Variants in NRXN3 observed in about 807,000 individuals in gnomAD.
The protein encoded by NRXN3 is neurexin III.
NRXN3 carries 32 observed loss-of-function variants against 137.6 expected under a neutral mutation model. The observed-to-expected ratio is 0.23, with a 90% CI of 0.18 to 0.31. The LOEUF (loss-of-function observed/expected upper bound fraction) is 0.31. Among genes scored for constraint, NRXN3 ranks in the 10% least tolerant of loss-of-function variants. The pLI, the probability that NRXN3 is intolerant of heterozygous loss-of-function variation, is 1.00. For synonymous variants in NRXN3, 798 were observed against 784.5 expected, an observed-to-expected ratio of 1.02 and a Z score of -0.29; for missense variants, 1,574 against 2,062.5, an observed-to-expected ratio of 0.76 and a Z score of 4.59.
intron 6 of NRXN3, among the ~76,000 whole-genome samples, chr14:78,668,049 G>T (rs765220660): frequency 6.6e-6 from 1 of 152,150 alleles, no homozygotes; most frequent in Non-Finnish European, 1.5e-5. Flanking sequence ...GTCTCCCAAA[G>T]TGTTGGGATT....
chr14:78,927,425 T>G (rs2099308938), intron 10 of NRXN3, among the ~76,000 whole-genome samples: 1 of 151,910 alleles, frequency 6.6e-6, no homozygotes, highest in South Asian at 2.1e-4. Context: ...AATTAGAGAG[T>G]GCAGTGACAG....
At chr14:79,018,142 C>T (rs1483177618) in intron 15 of NRXN3, among the ~76,000 whole-genome samples, 1 of 151,438 alleles carries the variant, frequency 6.6e-6, no homozygotes, top group Non-Finnish European at 1.5e-5. Context: ...CACCTGAAAT[C>T]CCAGCTACTC....
At chr14:78,329,931 C>T (rs2080583308) in intron 4 of NRXN3, among the ~76,000 whole-genome samples, 1 of 152,126 alleles carries the variant, frequency 6.6e-6, no homozygotes, top group Non-Finnish European at 1.5e-5. Context: ...TAGATTTCAT[C>T]AACCTGGCTC....
chr14:79,544,605 G>GA lies in NRXN3; in HGVS notation c.3444+77208dup, dbSNP rs1272537671. On this transcript the variant is annotated intron_variant, in intron 16 of 20. Transcript: ENST00000335750. ...AATTCTGGAATCTATGACATTTTTG[G>GA]AAAAATAGCTCTCCTAAGACACTGG... 6.5e-4 allele frequency among the ~76,000 whole-genome samples: 99 copies of GA among 152,190 alleles called. 1 individual carries two copies. The highest frequency in any genetic ancestry group is 2.4e-3 in the African/African-American group (98 of 41,544).
intron 1 of NRXN3, among the ~76,000 whole-genome samples, chr14:78,178,774 A>G (rs2059506765): frequency 6.6e-6 from 1 of 152,184 alleles, no homozygotes; most frequent in Non-Finnish European, 1.5e-5. Context: ...TTTTAGGATT[A>G]CACAGTGAGA....
At chr14:79,443,539 G>A (rs1385809697) in intron 15 of NRXN3, among the ~76,000 whole-genome samples, 1 of 152,146 alleles carries the variant, frequency 6.6e-6, no homozygotes, top group African/African-American at 2.4e-5. Flanking sequence ...AGAGAGAATA[G>A]AGAAATTAAC....
rs17107085 is a variant in NRXN3, at chr14:78,191,540, G to T, written c.-704+20866G>T. Reference sequence around the variant, plus strand: ...AGGACCCCTGCAGGCATTGGCCTCCGCTGCAATAGTCCCTTTCCCATAGCT... The same window carrying T: ...AGGACCCCTGCAGGCATTGGCCTCCTCTGCAATAGTCCCTTTCCCATAGCT... On this transcript the variant is annotated intron_variant, in intron 1 of 20. Coordinates refer to ENST00000335750, the MANE Select transcript of NRXN3 (RefSeq NM_001330195.2). 2.0e-5 allele frequency among the ~76,000 whole-genome samples: 3 copies of T among 152,006 alleles called. No homozygotes were observed. The South Asian group carries it at 6.2e-4, about 31-fold the overall frequency.
At chr14:79,432,654 C>G (rs770279486) in intron 15 of NRXN3, among the ~76,000 whole-genome samples, 9 of 152,072 alleles carry the variant, frequency 5.9e-5, no homozygotes, top group Non-Finnish European at 8.8e-5. Context: ...TATCTTGAAA[C>G]AGTTATTTTT....
At chr14:78,497,732 A>C (rs2095811490) in intron 4 of NRXN3, among the ~76,000 whole-genome samples, 1 of 152,200 alleles carries the variant, frequency 6.6e-6, no homozygotes, top group South Asian at 2.1e-4. Flanking sequence ...ATGGTTAGAT[A>C]TATAGGCTGT....
chr14:78,757,684 G>A (rs2098675359), intron 8 of NRXN3, among the ~76,000 whole-genome samples: 2 of 152,168 alleles, frequency 1.3e-5, no homozygotes, highest in South Asian at 2.1e-4. Flanking sequence ...GTCGGCTCCT[G>A]AAACAGAAAC....
chr14:79,273,522 T>C (rs1053600977), intron 15 of NRXN3, among the ~76,000 whole-genome samples: 2 of 151,798 alleles, frequency 1.3e-5, no homozygotes, highest in Non-Finnish European at 2.9e-5. Flanking sequence ...TAGTCCCAGC[T>C]ACTTGGAAGG....
At chr14:78,295,737 C>T (rs1350181134) in intron 3 of NRXN3, among the ~76,000 whole-genome samples, 1 of 152,112 alleles carries the variant, frequency 6.6e-6, no homozygotes, top group Non-Finnish European at 1.5e-5. Flanking sequence ...TAATAACCAT[C>T]TCCAGGTGGC....
chr14:78,911,228 G>A (rs749390528), intron 10 of NRXN3, among the ~76,000 whole-genome samples: 4 of 152,072 alleles, frequency 2.6e-5, no homozygotes, highest in Non-Finnish European at 4.4e-5. Flanking sequence ...GGTACAATGA[G>A]GGCTGGTAAT....
At position 79,590,033 on chromosome 14, in the gene NRXN3, G is replaced by A. The variant is rs537170566; in HGVS notation, c.3445-73745G>A. Among the ~76,000 whole-genome samples the A allele has an allele frequency of 3.3e-5, 5 of 151,280 alleles. No homozygotes were observed. The South Asian group carries it at 1.0e-3, about 31-fold the overall frequency. ...TTTTTCTTTTGCTGTATTGGAGTCT[G>A]TGAAACATGAAGTCATGTTTTCTTT... On this transcript the variant is annotated intron_variant, in intron 16 of 20. Transcript: ENST00000335750.
At chr14:79,585,950 T>C (rs1214963188) in intron 16 of NRXN3, among the ~76,000 whole-genome samples, 2 of 152,224 alleles carry the variant, frequency 1.3e-5, no homozygotes, top group African/African-American at 2.4e-5. Flanking sequence ...TGCACACACA[T>C]TGGCTTTACA....
chr14:78,719,075 C>G (rs2098447387), intron 8 of NRXN3, among the ~76,000 whole-genome samples: 1 of 152,204 alleles, frequency 6.6e-6, no homozygotes, highest in South Asian at 2.1e-4. Flanking sequence ...CAAGTTCCAG[C>G]AAGGCAAAGC....
chr14:78,401,118 T>G (rs2092007938), intron 4 of NRXN3, among the ~76,000 whole-genome samples: 1 of 152,136 alleles, frequency 6.6e-6, no homozygotes, highest in South Asian at 2.1e-4. Context: ...AGGTCTAAGT[T>G]AGTTCCCTCC....
intron 15 of NRXN3, among the ~76,000 whole-genome samples, chr14:79,250,715 T>C (rs1277502249): frequency 6.6e-6 from 1 of 152,102 alleles, no homozygotes; most frequent in Non-Finnish European, 1.5e-5. Context: ...AGACAGAATG[T>C]AAAAATACTA....
At chr14:79,477,226 T>C (rs2096567532) in intron 16 of NRXN3, among the ~76,000 whole-genome samples, 1 of 151,878 alleles carries the variant, frequency 6.6e-6, no homozygotes, top group Non-Finnish European at 1.5e-5. Flanking sequence ...TCAAAGGAAA[T>C]ACAGGATGTG....
Sources: gnomAD v4.1 joint callset for allele counts (sites outside exome capture counted in the v4.1 genomes callset) on GRCh38, gnomAD v4.1.1 for gene constraint, MANE v1.5 for transcripts, NCBI Gene and HGNC (gene_info 2026-07-23, HGNC 2026-07-21) for gene names.